Variants in PABPC4 observed in about 807,000 individuals in gnomAD.
PABPC4 encodes polyadenylate-binding protein 4.
A neutral mutation model predicts 74.5 loss-of-function variants in PABPC4; 15 were observed. The ratio of observed to expected loss-of-function variants is 0.20; its 90% CI spans 0.13 to 0.31. The LOEUF is 0.31. PABPC4 is among the 10% of genes least tolerant of loss of function. The probability of loss-of-function intolerance (pLI) is 1.00; values close to 1 mark genes in which losing one functional copy is unlikely to be tolerated. For missense variants in PABPC4, 610 were observed against 853.5 expected, an observed-to-expected ratio of 0.71 and a Z score of 3.55; for synonymous variants, 345 against 303.0, an observed-to-expected ratio of 1.14 and a Z score of -1.44.
intron 12 of PABPC4, chr1:39,563,271 A>C (rs1645788872): frequency 4.0e-6 from 1 of 248,282 alleles, no homozygotes; most frequent in South Asian, 6.6e-5. Flanking sequence ...TTAATGTACC[A>C]ATCATCTTGC....
chr1:39,563,569 G>A (rs1345602318), intron 12 of PABPC4, 45 bp downstream of exon 12: 1 of 1,589,982 alleles, frequency 6.3e-7, no homozygotes, highest in Non-Finnish European at 8.6e-7. Context: ...ACATCAAGTG[G>A]AAATGGGGGA....
rs769226285 is a variant in PABPC4, at chr1:39,571,354, C to T, written c.388-5G>A. 3.2e-5 allele frequency: 52 copies of T among 1,614,072 alleles called. No homozygotes were observed. The highest frequency in any genetic ancestry group is 4.2e-5 in the Non-Finnish European group (50 of 1,179,996). ...GCCGTTCTCATCACACACCACCTGT[C>T]AAAGACAAGGCGGACCACTTTAGCA... On this transcript the variant is annotated splice_polypyrimidine_tract_variant and splice_region_variant and intron_variant, in intron 2 of 15. Transcript: ENST00000372858.
At chr1:39,570,108 G>A (rs936497948) in intron 3 of PABPC4, 106 bp from the exon 4 acceptor site, 30 of 1,106,202 alleles carry the variant, frequency 2.7e-5, no homozygotes, top group East Asian at 1.9e-4. Flanking sequence ...GTTAAAACAC[G>A]AGATCCCCAT....
At position 39,564,886 on chromosome 1, in the gene PABPC4, C is replaced by G; in HGVS notation, c.1246-113G>C. ...TAAGCTAATTATTTAAATGTTCTTT[C>G]TATTCAAGAGCTGAGGGGTCAGCTA... On this transcript the variant is annotated intron_variant, in intron 8 of 15. Transcript: ENST00000372858. The G allele has an allele frequency of 2.1e-6, 2 of 956,878 alleles. 1 individual carries two copies. Among genetic ancestry groups the G allele is most frequent in the South Asian group, 3.1e-5 (2 of 64,606 alleles). The allele number at this position is 956,878 out of a possible 1,614,324, so 59.3% of individuals were successfully genotyped here. A position where few individuals can be genotyped will look rare whatever the true frequency, so the allele number is the denominator to read the frequency against.
chr1:39,576,009 C>T lies in PABPC4; in HGVS notation c.-58G>A, dbSNP rs1024671693. On this transcript the variant is annotated 5_prime_UTR_variant, in exon 1 of 16. Transcript: ENST00000372858. ...GGAGGACTTCTTATCGGGCCCGCCG[C>T]AGGACAAAGGGGCGCCTTCGGAGCC... is the stretch of plus-strand genomic sequence containing the variant. The T allele has an allele frequency of 5.5e-6, 7 of 1,271,352 alleles. No homozygotes were observed. The highest frequency in any genetic ancestry group is 2.9e-4 in the Middle Eastern group (1 of 3,498). 78.8% of individuals were successfully genotyped at this position (1,271,352 alleles called of 1,614,324 possible).
intron 3 of PABPC4, among the ~76,000 whole-genome samples, chr1:39,570,783 G>A (rs991222508): frequency 2.0e-5 from 3 of 152,200 alleles, no homozygotes; most frequent in African/African-American, 7.2e-5. Flanking sequence ...TTAGAAAATG[G>A]AGAACCGCGG....
chr1:39,570,364 G>C (rs139415408), intron 3 of PABPC4: 2 of 207,250 alleles, frequency 9.7e-6, no homozygotes, highest in Non-Finnish European at 1.9e-5. Context: ...GTTAATCCTA[G>C]ATATGAGATT....
intron 1 of PABPC4, 23 bp from the exon 2 acceptor site, chr1:39,572,609 A>T: frequency 6.3e-7 from 1 of 1,598,068 alleles, no homozygotes; most frequent in Non-Finnish European, 8.6e-7. Flanking sequence ...AACACATTTC[A>T]ATAAGGAGAG....
chr1:39,576,132 G>A lies in PABPC4; in HGVS notation c.-181C>T, dbSNP rs1570405381. The A allele has an allele frequency of 5.8e-6, 3 of 513,780 alleles. No homozygotes were observed. In the East Asian group the frequency reaches 1.0e-4, roughly 18 times the overall value. 31.8% of individuals were successfully genotyped at this position (513,780 alleles called of 1,614,324 possible). A position where few individuals can be genotyped will look rare whatever the true frequency, so the allele number is the denominator to read the frequency against. ...GGACGGAAACGGGAGGCGGGGGCCGGCTCCCACGGCCGCAGCACCGCAGAC... is the reference window on the plus strand; with the variant it reads ...GGACGGAAACGGGAGGCGGGGGCCGACTCCCACGGCCGCAGCACCGCAGAC... On this transcript the variant is annotated 5_prime_UTR_variant, in exon 1 of 16. Coordinates refer to ENST00000372858, the MANE Select transcript of PABPC4 (RefSeq NM_001135653.2).
At position 39,569,655 on chromosome 1, in the gene PABPC4, G is replaced by T. The variant is rs772866137; in HGVS notation, c.678C>A (p.Pro226=). The T allele has an allele frequency of 1.2e-5, 20 of 1,613,912 alleles. No individual in the cohort carries two copies. The highest frequency in any genetic ancestry group is 1.7e-5 in the Non-Finnish European group (20 of 1,179,952). The change falls in exon 5 of 16, where the codon CCC becomes CCA. Residue 226 remains proline (P), a synonymous_variant. Coordinates refer to ENST00000372858, the MANE Select transcript of PABPC4 (RefSeq NM_001135653.2). ...KTLSVKVMRD[P]NGKSKGFGFV... ...AGCCAAAGCCTTTGGATTTCCCATT[G>T]GGATCTCTCATCACCTTGACACTTA... is the stretch of plus-strand genomic sequence containing the variant.
At position 39,570,086 on chromosome 1, in the gene PABPC4, C is replaced by G. The variant is rs182164039; in HGVS notation, c.504-84G>C. The G allele has an allele frequency of 6.0e-5, 82 of 1,371,276 alleles. No homozygotes were observed. In the African/African-American group the frequency reaches 9.7e-4, roughly 16 times the overall value. 84.9% of individuals were successfully genotyped at this position (1,371,276 alleles called of 1,614,324 possible). On this transcript the variant is annotated intron_variant, in intron 3 of 15. Coordinates refer to ENST00000372858, the MANE Select transcript of PABPC4 (RefSeq NM_001135653.2). ...GACCCAAAGGAATACAGGTTAAAGA[C>G]TGACAGGAGAGGTTAAAACACGAGA...
intron 7 of PABPC4, chr1:39,567,516 T>C: frequency 1.6e-6 from 1 of 632,692 alleles, no homozygotes; most frequent in Non-Finnish European, 3.0e-6. Flanking sequence ...TGCTCTGAGT[T>C]GGCAAGGAGG....
rs1414511151 is a variant in PABPC4 at position 39,576,142 on chromosome 1, C to T, written c.-191G>A. The T allele has an allele frequency of 2.0e-5, 10 of 508,580 alleles. No individual in the cohort carries two copies. The East Asian group carries it at 3.4e-4, about 17-fold the overall frequency. 31.5% of individuals were successfully genotyped at this position (508,580 alleles called of 1,614,324 possible). On this transcript the variant is annotated 5_prime_UTR_variant, in exon 1 of 16. Coordinates refer to ENST00000372858, the MANE Select transcript of PABPC4 (RefSeq NM_001135653.2). ...GGGAGGCGGGGGCCGGCTCCCACGGCCGCAGCACCGCAGACAAAAGGCTCT... is the reference window on the plus strand; with the variant it reads ...GGGAGGCGGGGGCCGGCTCCCACGGTCGCAGCACCGCAGACAAAAGGCTCT...
chr1:39,562,229 A>C, intron 13 of PABPC4, 26 bp from the exon 14 acceptor site: 2 of 1,614,012 alleles, frequency 1.2e-6, no homozygotes, highest in Non-Finnish European at 1.7e-6. Flanking sequence ...TTAATAAAAA[A>C]ACAAATCAAA....
chr1:39,563,898 G>C lies in PABPC4; in HGVS notation c.1478C>G (p.Ala493Gly). 1 of 1,614,210 alleles carries C rather than the reference G, an allele frequency of 6.2e-7. No homozygotes were observed. The highest frequency in any genetic ancestry group is 8.5e-7 in the Non-Finnish European group (1 of 1,180,046). Reference protein sequence around the residue: ...RVGSECPDRLAMDFGGAGAAQ... With the variant: ...RVGSECPDRLGMDFGGAGAAQ... ...GGCACCAGCCCCACCAAAGTCCATA[G>C]CCAAGCGGTCCGGGCACTCAGACCC... The change falls in exon 11 of 16, where the codon GCT becomes GGT. Residue 493 changes from alanine to glycine, a missense_variant. This residue lies in a region of PABPC4 where 277 missense variants were observed against 301.8 expected (regional missense o/e 0.92). Transcript: ENST00000372858.
intron 1 of PABPC4, among the ~76,000 whole-genome samples, chr1:39,575,307 T>C (rs551703060): frequency 6.6e-6 from 1 of 152,296 alleles, no homozygotes; most frequent in South Asian, 2.1e-4. Flanking sequence ...CATCAGGTAG[T>C]CAAGGTTAGT....
intron 5 of PABPC4, among the ~76,000 whole-genome samples, chr1:39,569,263 C>T (rs1645899398): frequency 6.6e-6 from 1 of 152,194 alleles, no homozygotes; most frequent in African/African-American, 2.4e-5. Context: ...TATTGAGGGT[C>T]TGGCACAATG....
intron 1 of PABPC4, among the ~76,000 whole-genome samples, chr1:39,574,438 A>C (rs967704134): frequency 6.6e-6 from 1 of 152,244 alleles, no homozygotes; most frequent in African/African-American, 2.4e-5. Flanking sequence ...CTGCAGAAGT[A>C]TGTGTTGGCA....
At chr1:39,571,372 C>T (rs1570394712) in intron 2 of PABPC4, 23 bp from the exon 3 acceptor site, 1 of 1,613,754 alleles carries the variant, frequency 6.2e-7, no homozygotes. Flanking sequence ...AGGCGGACCA[C>T]TTTAGCAGAA....
Sources: gnomAD v4.1 joint callset for allele counts (sites outside exome capture counted in the v4.1 genomes callset) on GRCh38, gnomAD v4.1.1 for gene constraint, gnomAD v4.1.1 regional missense constraint, MANE v1.5 for transcripts, NCBI Gene and HGNC (gene_info 2026-07-23, HGNC 2026-07-21) for gene names.